WSCD2: variants seen among roughly 807,000 people sequenced by gnomAD.
WSCD2 encodes the protein WSC domain sialate O sulfotransferase 2, also known as sialate:O-sulfotransferase 2.
WSCD2 carries 28 observed loss-of-function variants against 55.7 expected under a neutral mutation model. The ratio of observed to expected loss-of-function variants is 0.50; its 90% CI spans 0.37 to 0.69. The LOEUF is 0.69. WSCD2 is among the 30% of genes least tolerant of loss of function. The probability of loss-of-function intolerance (pLI) is 0.00; values close to 1 mark genes in which losing one functional copy is unlikely to be tolerated. For synonymous variants in WSCD2, 301 were observed against 301.9 expected (o/e 1.00, Z 0.03); for missense variants, 616 against 762.1 (o/e 0.81, Z 2.26).
intron 1 of WSCD2, among the ~76,000 whole-genome samples, chr12:108,159,610 T>C (rs1417505397): frequency 6.6e-6 from 1 of 152,224 alleles, no homozygotes; most frequent in Non-Finnish European, 1.5e-5. Context: ...ATGGCCATCT[T>C]GCTGAAACAA....
At chr12:108,201,519 T>TGGGGGGGG (rs34937873) in intron 2 of WSCD2, among the ~76,000 whole-genome samples, 12 of 128,002 alleles carry the variant, frequency 9.4e-5, no homozygotes, top group East Asian at 2.4e-4. Flanking sequence ...GGGGTGTGGG[T>TGGGGGGGG]GGGGGGCGGG....
chr12:108,132,346 G>A (rs1056991046), intron 1 of WSCD2, among the ~76,000 whole-genome samples: 6 of 152,324 alleles, frequency 3.9e-5, no homozygotes, highest in South Asian at 2.1e-4. Flanking sequence ...GTGTGGACAC[G>A]TGTGTGAATG....
In WSCD2 at chr12:108,213,991, G is replaced by C. The variant is rs542870353; in HGVS notation, c.682+3686G>C. ...TGCAATGTCTTTGCTCTGACTCAGT[G>C]GTGCCTTCGATTTCCTAGGATTATG... On this transcript the variant is annotated intron_variant, in intron 4 of 8. Coordinates refer to ENST00000547525, the MANE Select transcript of WSCD2 (RefSeq NM_014653.4). Among the ~76,000 whole-genome samples the C allele has an allele frequency of 1.2e-4, 19 of 152,260 alleles. No individual in the cohort carries two copies. In the South Asian group the frequency reaches 3.7e-3, roughly 30 times the overall value.
intron 8 of WSCD2, among the ~76,000 whole-genome samples, chr12:108,247,520 TTA>T (rs1460367214): frequency 6.6e-6 from 1 of 152,010 alleles, no homozygotes; most frequent in Non-Finnish European, 1.5e-5. Context: ...CGGGGTGTGT[TTA>T]GAGCTCTAAA....
At position 108,248,164 on chromosome 12, in the gene WSCD2, C is replaced by T; in HGVS notation, c.1519C>T (p.Leu507=). 3.7e-6 allele frequency: 6 copies of T among 1,614,244 alleles called. No individual in the cohort carries two copies. Among genetic ancestry groups the T allele is most frequent in the Non-Finnish European group, 5.1e-6 (6 of 1,180,036 alleles). The change falls in exon 9 of 9, where the codon CTG becomes TTG. Residue 507 remains leucine, a synonymous_variant. Transcript: ENST00000547525. The surrounding 1 kb of genome is among the most constrained non-coding windows in gnomAD (Gnocchi z 4.3). ...GGGCGTGGCTGTCAGGGAGGACCGG[C>T]TGCTCTGTGTGGAGAGCCAGAAGGA... The part of the protein sequence containing the change: ...LLGVAVREDR[L]LCVESQKDGN...
Position 108,210,386 on chromosome 12 carries a change from C to A in WSCD2, c.682+81C>A. 6.8e-7 allele frequency: 1 copy of A among 1,475,150 alleles called. No homozygotes were observed. The highest frequency in any genetic ancestry group is 9.0e-7 in the Non-Finnish European group (1 of 1,110,372). The allele number at this position is 1,475,150 out of a possible 1,614,324, so 91.4% of individuals were successfully genotyped here. On this transcript the variant is annotated intron_variant, in intron 4 of 8. Coordinates refer to ENST00000547525, the MANE Select transcript of WSCD2 (RefSeq NM_014653.4). The surrounding 1 kb of genome is among the most constrained non-coding windows in gnomAD (Gnocchi z 4.3). ...CCCACCAAAGAGTCCCACATGTCTG[C>A]CCTGTACCCTCCATGGCTCCCCATC...
rs1875331760 is a variant in WSCD2, at chr12:108,130,110, G to GCGTAGATGACAAACTTT, written c.-552+186_-552+202dup. On this transcript the variant is annotated intron_variant, in intron 1 of 8. Transcript: ENST00000547525. ...CCCAGAGTGGTGACAGCCCAGCTCT[G>GCGTAGATGACAAACTTT]CGTAGATGACAAACTTTCTCTCCTC... Among the ~76,000 whole-genome samples, 9 of 152,356 alleles carry GCGTAGATGACAAACTTT rather than the reference G, an allele frequency of 5.9e-5. No individual in the cohort carries two copies. In the South Asian group the frequency reaches 1.7e-3, roughly 28 times the overall value.
At chr12:108,144,442 G>A (rs1038299564) in intron 1 of WSCD2, among the ~76,000 whole-genome samples, 1 of 152,168 alleles carries the variant, frequency 6.6e-6, no homozygotes, top group Non-Finnish European at 1.5e-5. Flanking sequence ...CTGATTTCCT[G>A]CTTCACACTA....
rs892888874 is a variant in WSCD2, at chr12:108,189,922, G to A, written c.-551-5360G>A. The stretch of plus-strand genomic sequence containing the variant: ...TTCCGTGAAGGAAAATAGAGTCCTT[G>A]TATCAGAATGAAGGGGCACTGAACA... On this transcript the variant is annotated intron_variant, in intron 1 of 8. Coordinates refer to ENST00000547525, the MANE Select transcript of WSCD2 (RefSeq NM_014653.4). Among the ~76,000 whole-genome samples, 15 of 152,158 alleles carry A rather than the reference G, an allele frequency of 9.9e-5. 1 individual carries two copies. Among genetic ancestry groups the A allele is most frequent in the African/African-American group, 3.6e-4 (15 of 41,444 alleles).
At chr12:108,200,626 T>G (rs1037779284) in intron 2 of WSCD2, among the ~76,000 whole-genome samples, 2 of 152,196 alleles carry the variant, frequency 1.3e-5, no homozygotes, top group Non-Finnish European at 2.9e-5. Flanking sequence ...TTTTCCCCAT[T>G]ATAACACCTT....
At position 108,224,824 on chromosome 12, in the gene WSCD2, G is replaced by C. The variant is rs1048261669; in HGVS notation, c.768G>C (p.Met256Ile). ...ALPVTAAMLN[M>I]SVDKCVDFCT... ...CCGTGACAGCTGCCATGCTGAACATGTCTGTGGACAAATGCGTGGACTTCT... is the reference window on the plus strand; with the variant it reads ...CCGTGACAGCTGCCATGCTGAACATCTCTGTGGACAAATGCGTGGACTTCT... Residue 256 changes from methionine (M) to isoleucine (I), a missense_variant, in exon 5 of 9, where the codon ATG becomes ATC. Around this residue, in one of 3 missense-constraint regions of WSCD2, gnomAD observed 374 missense variants for 467.4 expected, o/e 0.80. Coordinates refer to ENST00000547525, the MANE Select transcript of WSCD2 (RefSeq NM_014653.4). 1.2e-6 allele frequency: 2 copies of C among 1,613,746 alleles called. No homozygotes were observed. The highest frequency in any genetic ancestry group is 1.7e-6 in the Non-Finnish European group (2 of 1,180,038).
intron 4 of WSCD2, among the ~76,000 whole-genome samples, chr12:108,218,294 C>T (rs978207914): frequency 2.6e-5 from 4 of 152,074 alleles, no homozygotes; most frequent in African/African-American, 9.7e-5. Context: ...TGCTGAGTTC[C>T]AGAGAGGAGA....
intron 4 of WSCD2, among the ~76,000 whole-genome samples, chr12:108,217,877 G>A (rs1451431422): frequency 2.0e-5 from 3 of 152,128 alleles, no homozygotes; most frequent in Non-Finnish European, 2.9e-5. Flanking sequence ...TCTAAGCTGG[G>A]AGAGTCAGGG....
intron 7 of WSCD2, among the ~76,000 whole-genome samples, chr12:108,239,062 C>T (rs1889498126): frequency 6.6e-6 from 1 of 152,142 alleles, no homozygotes; most frequent in Non-Finnish European, 1.5e-5. Flanking sequence ...TCTGATCATG[C>T]CCCTCTTTTT....
At chr12:108,217,233 C>T (rs1217689161) in intron 4 of WSCD2, among the ~76,000 whole-genome samples, 2 of 152,194 alleles carry the variant, frequency 1.3e-5, no homozygotes, top group Non-Finnish European at 2.9e-5. Context: ...GCCCTTTCCT[C>T]GGGACACCAG....
At chr12:108,234,978 G>A (rs1173440962) in intron 7 of WSCD2, among the ~76,000 whole-genome samples, 2 of 152,130 alleles carry the variant, frequency 1.3e-5, no homozygotes, top group Non-Finnish European at 2.9e-5. Context: ...AGAGAATGGG[G>A]AATGGTGGCC....
At position 108,131,183 on chromosome 12, in the gene WSCD2, C is replaced by T. The variant is rs1365840183; in HGVS notation, c.-552+1257C>T. On this transcript the variant is annotated intron_variant, in intron 1 of 8. Transcript: ENST00000547525. Reference sequence around the variant, plus strand: ...GGTGCTTGATGTCCTGGAAAAAGCCCTGGGTCTGGGTCAGGAGATTGAGCT... The same window carrying T: ...GGTGCTTGATGTCCTGGAAAAAGCCTTGGGTCTGGGTCAGGAGATTGAGCT... 2.0e-5 allele frequency among the ~76,000 whole-genome samples: 3 copies of T among 152,180 alleles called. No homozygotes were observed. The East Asian group carries it at 5.8e-4, about 29-fold the overall frequency.
chr12:108,139,092 C>T (rs952994485), intron 1 of WSCD2, among the ~76,000 whole-genome samples: 4 of 152,138 alleles, frequency 2.6e-5, no homozygotes, highest in African/African-American at 9.7e-5. Flanking sequence ...ATGGGTGGAT[C>T]CTATTGCTAT....
chr12:108,206,103 G>A (rs531291437), intron 2 of WSCD2, among the ~76,000 whole-genome samples, 186 bp from the exon 3 acceptor site: 30 of 152,238 alleles, frequency 2.0e-4, no homozygotes, highest in South Asian at 1.2e-3. Flanking sequence ...ATTGGTCTCC[G>A]CTGCCCTGAT....
Sources: allele counts gnomAD v4.1 joint callset (sites outside exome capture counted in the v4.1 genomes callset), GRCh38; gene constraint gnomAD v4.1.1; regional missense constraint gnomAD v4.1.1; non-coding constraint Gnocchi (gnomAD v3.1); transcripts MANE v1.5; gene names NCBI Gene and HGNC (gene_info 2026-07-23, HGNC 2026-07-21).